NPAS3: variants seen among roughly 807,000 people sequenced by gnomAD.
The protein encoded by NPAS3 is neuronal PAS domain-containing protein 3.
A neutral mutation model predicts 73.1 loss-of-function variants in NPAS3; 14 were observed. The observed-to-expected ratio is 0.19, with a 90% CI of 0.13 to 0.30. The LOEUF (loss-of-function observed/expected upper bound fraction) is 0.30. NPAS3 is among the 10% of genes least tolerant of loss of function. The pLI, the probability that NPAS3 is intolerant of heterozygous loss-of-function variation, is 1.00. For synonymous variants in NPAS3, 620 were observed against 541.5 expected (o/e 1.14, Z -2.01); for missense variants, 1,096 against 1,250.0 (o/e 0.88, Z 1.86).
chr14:33,788,748 G>A (rs76385837), intron 9 of NPAS3, among the ~76,000 whole-genome samples: 7,493 of 152,080 alleles, frequency 0.049, 313 homozygotes, highest in African/African-American at 0.11. Flanking sequence ...CCTTTCAGTC[G>A]TCAGTCTGTG....
intron 2 of NPAS3, among the ~76,000 whole-genome samples, chr14:33,158,079 T>C (rs1011620980): frequency 6.6e-6 from 1 of 152,248 alleles, no homozygotes; most frequent in Non-Finnish European, 1.5e-5. Flanking sequence ...TTCTTTAAAA[T>C]TTCACAGTTA....
chr14:33,737,785 A>G (rs1024931929), intron 7 of NPAS3, among the ~76,000 whole-genome samples: 1 of 152,198 alleles, frequency 6.6e-6, no homozygotes, highest in African/African-American at 2.4e-5. Flanking sequence ...CTTATAAAAC[A>G]TTCCAATAAA....
intron 2 of NPAS3, among the ~76,000 whole-genome samples, chr14:33,104,068 A>G (rs1232739780): frequency 6.6e-6 from 1 of 152,186 alleles, no homozygotes; most frequent in African/African-American, 2.4e-5. Flanking sequence ...AGGCAGAACT[A>G]CAGAATGCTG....
chr14:33,027,764 T>TA (rs1371928717), intron 1 of NPAS3, among the ~76,000 whole-genome samples: 2 of 152,144 alleles, frequency 1.3e-5, no homozygotes, highest in African/African-American at 4.8e-5. Flanking sequence ...CAAGGGGCAG[T>TA]AGATCTCCCA....
At chr14:33,278,665 C>T (rs894392864) in intron 3 of NPAS3, among the ~76,000 whole-genome samples, 1 of 152,116 alleles carries the variant, frequency 6.6e-6, no homozygotes, top group Non-Finnish European at 1.5e-5. Flanking sequence ...AAATGGTACT[C>T]ACTTTCTAAT....
intron 4 of NPAS3, among the ~76,000 whole-genome samples, chr14:33,550,110 G>T (rs1374545804): frequency 6.6e-6 from 1 of 151,980 alleles, no homozygotes; most frequent in Non-Finnish European, 1.5e-5. Flanking sequence ...CTTTCATTCT[G>T]TTCCTCAATT....
chr14:33,089,894 A>C (rs573121052), intron 2 of NPAS3, among the ~76,000 whole-genome samples: 6 of 152,212 alleles, frequency 3.9e-5, no homozygotes, highest in Non-Finnish European at 5.9e-5. Context: ...TATCCAGCCA[A>C]ACTAAGCTTC....
chr14:33,238,476 C>T (rs902678385), intron 3 of NPAS3, among the ~76,000 whole-genome samples: 6 of 151,896 alleles, frequency 4.0e-5, no homozygotes, highest in African/African-American at 1.4e-4. Context: ...TTAAGTAGAT[C>T]ATGGATCAGG....
At chr14:33,278,732 T>C (rs1378840753) in intron 3 of NPAS3, among the ~76,000 whole-genome samples, 1 of 152,110 alleles carries the variant, frequency 6.6e-6, no homozygotes, top group African/African-American at 2.4e-5. Context: ...AAAAGGAAAG[T>C]AAACAGATTT....
intron 1 of NPAS3, among the ~76,000 whole-genome samples, chr14:33,044,542 A>C (rs966131068): frequency 6.6e-6 from 1 of 152,172 alleles, no homozygotes; most frequent in Non-Finnish European, 1.5e-5. Flanking sequence ...TGTAGTTTCC[A>C]ACTTGATTTA....
In NPAS3 at chr14:32,997,761, A is replaced by T. The variant is rs901327753; in HGVS notation, c.51-58144A>T. Among the ~76,000 whole-genome samples, 12 of 87,488 alleles carry T rather than the reference A, an allele frequency of 1.4e-4. 1 individual carries two copies. The East Asian group carries it at 2.4e-3, about 17-fold the overall frequency. 57.4% of individuals were successfully genotyped at this position (87,488 alleles called of 152,430 possible). On this transcript the variant is annotated intron_variant, in intron 1 of 11. Transcript: ENST00000356141. ...AACACGGTGAAACCCCGTCTCTACT[A>T]AAAAAAAAAAAAAAAAAAGATGTGA... is the stretch of plus-strand genomic sequence containing the variant.
At chr14:33,527,090 G>A (rs1051851796) in intron 4 of NPAS3, among the ~76,000 whole-genome samples, 2 of 152,142 alleles carry the variant, frequency 1.3e-5, no homozygotes, top group Admixed American at 1.3e-4. Flanking sequence ...ATGTGGAGAA[G>A]GAGGAGGTTG....
intron 4 of NPAS3, among the ~76,000 whole-genome samples, chr14:33,532,711 T>C (rs1345834273): frequency 6.6e-6 from 1 of 152,098 alleles, no homozygotes; most frequent in Non-Finnish European, 1.5e-5. Flanking sequence ...GGGAATAATA[T>C]GTAAAAAGTA....
chr14:33,581,399 A>T (rs147231345), intron 5 of NPAS3, among the ~76,000 whole-genome samples: 2 of 152,310 alleles, frequency 1.3e-5, no homozygotes, highest in South Asian at 2.1e-4. Context: ...CAAATTCACA[A>T]CAAAAATTTG....
At chr14:33,799,683 C>T (rs1337787682) in intron 11 of NPAS3, 51 bp from the exon 12 acceptor site, 35 of 1,538,844 alleles carry the variant, frequency 2.3e-5, no homozygotes, top group Non-Finnish European at 2.9e-5. Flanking sequence ...CTGGTGTCTT[C>T]TCTCTCTTCT....
chr14:33,424,042 TAAAC>T (rs990896165), intron 4 of NPAS3, among the ~76,000 whole-genome samples: 3 of 151,938 alleles, frequency 2.0e-5, no homozygotes, highest in African/African-American at 7.2e-5. Flanking sequence ...AAACACTCAT[TAAAC>T]AATCACACAT....
chr14:33,025,860 A>G (rs562833857), intron 1 of NPAS3, among the ~76,000 whole-genome samples: 1 of 152,298 alleles, frequency 6.6e-6, no homozygotes, highest in South Asian at 2.1e-4. Context: ...CTGTGAGCCA[A>G]CTAAACTCCT....
chr14:33,744,427 C>T (rs972156776), intron 7 of NPAS3, among the ~76,000 whole-genome samples: 1 of 152,086 alleles, frequency 6.6e-6, no homozygotes, highest in African/African-American at 2.4e-5. Flanking sequence ...ATTTGTGGCA[C>T]CCCAAAACAA....
chr14:33,247,035 A>AC (rs2048416832), intron 3 of NPAS3, among the ~76,000 whole-genome samples: 1 of 151,622 alleles, frequency 6.6e-6, no homozygotes, highest in South Asian at 2.1e-4. Flanking sequence ...AAACAAACAA[A>AC]AAAGAGAAAG....
Sources: allele counts gnomAD v4.1 joint callset (sites outside exome capture counted in the v4.1 genomes callset), GRCh38; gene constraint gnomAD v4.1.1; transcripts MANE v1.5; gene names NCBI Gene and HGNC (gene_info 2026-07-23, HGNC 2026-07-21).